RABGAP1L: variants seen among roughly 807,000 people sequenced by gnomAD.
RABGAP1L encodes RAB GTPase activating protein 1 like.
Under a neutral mutation model 137.7 loss-of-function variants are expected in RABGAP1L, and 63 were observed. The ratio of observed to expected loss-of-function variants is 0.46; its 90% CI spans 0.37 to 0.56. The LOEUF (loss-of-function observed/expected upper bound fraction) is 0.56. RABGAP1L is among the 20% of genes least tolerant of loss of function. The pLI, the probability that RABGAP1L is intolerant of heterozygous loss-of-function variation, is 0.00. For missense variants in RABGAP1L, 1,095 were observed against 1,244.0 expected (o/e 0.88, Z 1.80); for synonymous variants, 431 against 433.7 (o/e 0.99, Z 0.08).
intron 18 of RABGAP1L, among the ~76,000 whole-genome samples, chr1:174,789,563 C>G (rs768956987): frequency 6.6e-6 from 1 of 151,992 alleles, no homozygotes; most frequent in East Asian, 1.9e-4. Context: ...ATTTACTCAG[C>G]ATCTGCTACA....
At chr1:174,360,110 T>C (rs914532925) in intron 11 of RABGAP1L, among the ~76,000 whole-genome samples, 1 of 152,224 alleles carries the variant, frequency 6.6e-6, no homozygotes, top group African/African-American at 2.4e-5. Flanking sequence ...TAATATCCTT[T>C]TGTAGTGGAA....
rs1225219203 is a variant in RABGAP1L, at chr1:174,658,954, G to T, written c.1824+21466G>T. Among the ~76,000 whole-genome samples, 3 of 152,084 alleles carry T rather than the reference G, an allele frequency of 2.0e-5. No homozygotes were observed. The East Asian group carries it at 5.8e-4, about 29-fold the overall frequency. ...GATTTTTGTTTTAGGCACCTGTAAA[G>T]AAAAACTGATTATTTTCAAGAAGGA... is the stretch of plus-strand genomic sequence containing the variant. On this transcript the variant is annotated intron_variant, in intron 14 of 25. Coordinates refer to ENST00000681986, the MANE Select transcript of RABGAP1L (RefSeq NM_001366446.1).
At chr1:174,365,532 C>A (rs555235292) in intron 11 of RABGAP1L, among the ~76,000 whole-genome samples, 1 of 152,104 alleles carries the variant, frequency 6.6e-6, no homozygotes, top group East Asian at 1.9e-4. Context: ...TGTTTCCCTG[C>A]TGGCTAGGGC....
At chr1:174,839,715 A>T (rs543670082) in intron 19 of RABGAP1L, among the ~76,000 whole-genome samples, 1 of 152,202 alleles carries the variant, frequency 6.6e-6, no homozygotes, top group Non-Finnish European at 1.5e-5. Flanking sequence ...TGAAGCACTC[A>T]TCTTGGTGTG....
chr1:174,676,500 C>T (rs1000044374), intron 14 of RABGAP1L, among the ~76,000 whole-genome samples: 4 of 152,118 alleles, frequency 2.6e-5, no homozygotes, highest in African/African-American at 9.7e-5. Flanking sequence ...CTGAAGTTTT[C>T]CCTGGATTGA....
intron 13 of RABGAP1L, among the ~76,000 whole-genome samples, chr1:174,503,864 C>G (rs1340477878): frequency 6.6e-6 from 1 of 151,456 alleles, no homozygotes; most frequent in African/African-American, 2.4e-5. Context: ...TTGAAGAGGA[C>G]ACAAACAAAT....
At chr1:174,780,318 G>T (rs984717971) in intron 18 of RABGAP1L, among the ~76,000 whole-genome samples, 1 of 151,976 alleles carries the variant, frequency 6.6e-6, no homozygotes, top group East Asian at 1.9e-4. Context: ...CCTCACCATG[G>T]ATCTCTGCTC....
chr1:174,216,298 A>G (rs1669313558), intron 1 of RABGAP1L, among the ~76,000 whole-genome samples: 1 of 152,134 alleles, frequency 6.6e-6, no homozygotes, highest in South Asian at 2.1e-4. Flanking sequence ...CTAAGAGAAT[A>G]ATTGAATTGC....
chr1:174,218,970 C>T (rs1198447773), intron 1 of RABGAP1L, among the ~76,000 whole-genome samples, 155 bp from the exon 2 acceptor site: 3 of 152,166 alleles, frequency 2.0e-5, no homozygotes, highest in South Asian at 2.1e-4. Flanking sequence ...GTGGCTCAGT[C>T]CAAGAAGGTA....
intron 11 of RABGAP1L, among the ~76,000 whole-genome samples, chr1:174,338,174 A>C (rs775339392): frequency 3.9e-5 from 6 of 152,182 alleles, no homozygotes; most frequent in Admixed American, 2.0e-4. Flanking sequence ...ATTTAATGTG[A>C]ATTTTCTCCC....
At chr1:174,465,259 G>A (rs558549611) in intron 13 of RABGAP1L, among the ~76,000 whole-genome samples, 148 of 152,260 alleles carry the variant, frequency 9.7e-4, no homozygotes, top group Admixed American at 3.1e-3. Context: ...GAGTGCAATG[G>A]TGTGATCTCA....
chr1:174,359,211 T>C (rs941834162), intron 11 of RABGAP1L, among the ~76,000 whole-genome samples: 1 of 152,192 alleles, frequency 6.6e-6, no homozygotes, highest in African/African-American at 2.4e-5. Flanking sequence ...GCCTTCTCGG[T>C]GTGTCTTTTA....
At chr1:174,938,069 C>T (rs1665210108) in intron 19 of RABGAP1L, among the ~76,000 whole-genome samples, 1 of 152,022 alleles carries the variant, frequency 6.6e-6, no homozygotes, top group Admixed American at 6.6e-5. Flanking sequence ...ACACAGATTT[C>T]CATCTATAAA....
At chr1:174,614,956 G>A (rs1169260259) in intron 13 of RABGAP1L, among the ~76,000 whole-genome samples, 3 of 152,074 alleles carry the variant, frequency 2.0e-5, no homozygotes, top group East Asian at 3.9e-4. Flanking sequence ...TCTCTATATT[G>A]GTTATTCTAG....
chr1:174,599,299 C>T (rs1269005287), intron 13 of RABGAP1L, among the ~76,000 whole-genome samples: 4 of 152,340 alleles, frequency 2.6e-5, no homozygotes, highest in African/African-American at 9.6e-5. Flanking sequence ...TACACTATCT[C>T]TTAAAACACT....
intron 19 of RABGAP1L, 22 bp downstream of exon 19, chr1:174,811,982 T>A (rs756455872): frequency 1.3e-6 from 2 of 1,563,130 alleles, no homozygotes; most frequent in East Asian, 4.5e-5. Flanking sequence ...AGTTTTTATA[T>A]AATAAAGGTA....
chr1:174,673,517 T>C (rs369657533), intron 14 of RABGAP1L, among the ~76,000 whole-genome samples: 7 of 152,178 alleles, frequency 4.6e-5, no homozygotes, highest in African/African-American at 1.7e-4. Flanking sequence ...TTTTCTACAG[T>C]TGAGTAACGA....
intron 19 of RABGAP1L, among the ~76,000 whole-genome samples, chr1:174,825,873 A>C (rs1479844248): frequency 6.6e-6 from 1 of 152,216 alleles, no homozygotes; most frequent in Non-Finnish European, 1.5e-5. Flanking sequence ...CCTGGGCGAC[A>C]GAGCAAAACT....
Position 174,776,367 on chromosome 1 carries a change from T to C in RABGAP1L, c.2211+24013T>C, listed in dbSNP as rs554057702. 7.6e-4 allele frequency among the ~76,000 whole-genome samples: 115 copies of C among 151,958 alleles called. 3 individuals are homozygous for C. In the South Asian group the frequency reaches 0.012, roughly 16 times the overall value. On this transcript the variant is annotated intron_variant, in intron 18 of 25. Transcript: ENST00000681986. ...TCCAGCCTGGACAAAACAATGAGAC[T>C]TCATCTCAAAAAATAAAAAAAAAAT...
Sources: gnomAD v4.1 joint callset for allele counts (sites outside exome capture counted in the v4.1 genomes callset) on GRCh38, gnomAD v4.1.1 for gene constraint, MANE v1.5 for transcripts, NCBI Gene and HGNC (gene_info 2026-07-23, HGNC 2026-07-21) for gene names.